The following CCDC125 variants were observed in gnomAD, a reference collection of about 807,000 sequenced individuals.
CCDC125 encodes the protein coiled-coil domain containing 125.
CCDC125 carries 43 observed loss-of-function variants against 57.4 expected under a neutral mutation model. That is an observed-to-expected ratio of 0.75 (90% CI 0.59 to 0.97). The LOEUF is 0.97. Ranked by LOEUF, CCDC125 falls within the 50% of genes least tolerant of loss-of-function variation. The pLI is 0.00. For missense variants in CCDC125, 563 were observed against 595.7 expected (o/e 0.95, Z 0.57); for synonymous variants, 187 against 195.2 (o/e 0.96, Z 0.35).
chr5:69,295,751 C>T (rs546372933), intron 8 of CCDC125, among the ~76,000 whole-genome samples: 1 of 152,304 alleles, frequency 6.6e-6, no homozygotes, highest in African/African-American at 2.4e-5. Flanking sequence ...CAACTAATAT[C>T]TCTGTAACTA....
intron 1 of CCDC125, among the ~76,000 whole-genome samples, chr5:69,322,083 T>G (rs1760115012): frequency 2.0e-5 from 3 of 151,952 alleles, no homozygotes; most frequent in African/African-American, 7.3e-5. Flanking sequence ...TCAGGTGATC[T>G]GCCTGCCTCG....
At chr5:69,305,850 C>T (rs576186926) in intron 6 of CCDC125, among the ~76,000 whole-genome samples, 3 of 152,258 alleles carry the variant, frequency 2.0e-5, no homozygotes, top group South Asian at 2.1e-4. Flanking sequence ...CAAATATACT[C>T]TTTTGTCTTT....
rs1756137479 is a variant in CCDC125 at position 69,300,103 on chromosome 5, G to A, written c.725C>T (p.Ala242Val). The change falls in exon 8 of 12, where the codon GCC becomes GTC. Residue 242 changes from alanine (A) to valine (V), a missense_variant. By Grantham distance (64) the Ala-to-Val change is moderately conservative. Coordinates refer to ENST00000396496, the MANE Select transcript of CCDC125 (RefSeq NM_176816.5). ...NAVLNQRYLE[A>V]LAMLDIKQQK... The stretch of plus-strand genomic sequence containing the variant: ...CTGTTTGATATCAAGCATGGCGAGG[G>A]CCTCCAAATACCGTTGATTCAAAAC... The A allele has an allele frequency of 6.2e-7, 1 of 1,613,864 alleles. No homozygotes were observed. Among genetic ancestry groups the A allele is most frequent in the Non-Finnish European group, 8.5e-7 (1 of 1,179,926 alleles).
chr5:69,301,092 T>G (rs1196846722), intron 7 of CCDC125, among the ~76,000 whole-genome samples: 1 of 36,954 alleles, frequency 2.7e-5, no homozygotes, highest in Admixed American at 3.4e-4. Flanking sequence ...AGACTCCCTC[T>G]CAAAAAAAAA....
intron 7 of CCDC125, among the ~76,000 whole-genome samples, chr5:69,300,407 C>T (rs1756199841): frequency 6.6e-6 from 1 of 151,768 alleles, no homozygotes; most frequent in African/African-American, 2.4e-5. Flanking sequence ...AGGATTTTTC[C>T]AAAAGGGAAT....
In CCDC125 at chr5:69,320,302, T is replaced by G. The variant is rs1257334189; in HGVS notation, c.239A>C (p.Lys80Thr). The G allele has an allele frequency of 6.2e-7, 1 of 1,614,136 alleles. No homozygotes were observed. Among genetic ancestry groups the G allele is most frequent in the Non-Finnish European group, 8.5e-7 (1 of 1,180,004 alleles). Residue 80 changes from lysine (K) to threonine (T), a missense_variant, in exon 2 of 12, where the codon AAG becomes ACG. By Grantham distance (78) the Lys-to-Thr change is moderately conservative. Coordinates refer to ENST00000396496, the MANE Select transcript of CCDC125 (RefSeq NM_176816.5). ...TTGAGGGAATGTATCTTGCTGGCTC[T>G]TATGCTTGGAATACTGAAAACTCGC... Reference protein sequence around the residue: ...NEASFQYSKHKSQQDTFPQVS... With the variant: ...NEASFQYSKHTSQQDTFPQVS...
intron 9 of CCDC125, 34 bp from the exon 10 acceptor site, chr5:69,292,396 G>C: frequency 6.5e-7 from 1 of 1,548,614 alleles, no homozygotes; most frequent in South Asian, 1.1e-5. Flanking sequence ...AGGTGTCAGA[G>C]GCAAAACCAG....
chr5:69,287,521 C>T (rs1753713061), intron 10 of CCDC125, among the ~76,000 whole-genome samples: 1 of 151,930 alleles, frequency 6.6e-6, no homozygotes. Flanking sequence ...CCTCAGCCTC[C>T]CAAAGTCCTG....
intron 8 of CCDC125, among the ~76,000 whole-genome samples, chr5:69,298,285 A>G (rs1755755595): frequency 6.6e-6 from 1 of 152,192 alleles, no homozygotes; most frequent in Non-Finnish European, 1.5e-5. Context: ...AAGTGCTGGG[A>G]TTACAGGCGT....
the CCDC125 span, among the ~76,000 whole-genome samples, chr5:69,274,614 G>GTATT: frequency 2.4e-4 from 36 of 152,196 alleles, no homozygotes; most frequent in African/African-American, 8.7e-4. Flanking sequence ...CCTAAAGGAA[G>GTATT]TATTTATTTA....
chr5:69,276,648 G>C (rs1752170120), downstream of CCDC125: 4 of 1,614,154 alleles, frequency 2.5e-6, no homozygotes, highest in Non-Finnish European at 3.4e-6. Flanking sequence ...ATCAAATCCA[G>C]CTTTGGCAAT....
At chr5:69,302,052 C>T (rs981614242) in intron 7 of CCDC125, among the ~76,000 whole-genome samples, 15 of 150,990 alleles carry the variant, frequency 9.9e-5, no homozygotes, top group African/African-American at 3.6e-4. Context: ...CACTGCACTC[C>T]AAACTGGGCA....
chr5:69,315,437 C>CAA (rs35967140), intron 2 of CCDC125, among the ~76,000 whole-genome samples: 6,434 of 19,816 alleles, frequency 0.32, 475 homozygotes, highest in South Asian at 0.39. Flanking sequence ...GATTCTGTCT[C>CAA]AAAAAAAAAA....
chr5:69,323,358 C>T (rs1184473359), intron 1 of CCDC125, among the ~76,000 whole-genome samples: 1 of 151,988 alleles, frequency 6.6e-6, no homozygotes, highest in Non-Finnish European at 1.5e-5. Flanking sequence ...ATCATATTTG[C>T]ATATTATCTA....
intron 7 of CCDC125, among the ~76,000 whole-genome samples, chr5:69,300,531 T>C (rs1411199096): frequency 6.6e-6 from 1 of 152,222 alleles, no homozygotes; most frequent in Non-Finnish European, 1.5e-5. Context: ...ATCAGGTTTT[T>C]GTATTAGGAG....
At chr5:69,276,696 A>G (rs1291424901), downstream of CCDC125, 2 of 1,607,558 alleles carry the variant, frequency 1.2e-6, no homozygotes, top group Middle Eastern at 1.7e-4. Context: ...ACAAGGTAAG[A>G]TTCCCACTTT....
intron 9 of CCDC125, among the ~76,000 whole-genome samples, chr5:69,293,809 C>A (rs1463939472): frequency 6.6e-6 from 1 of 152,110 alleles, no homozygotes; most frequent in Non-Finnish European, 1.5e-5. Context: ...AAATTCCATA[C>A]CTTCAATAAA....
At chr5:69,276,975 A>C (rs1161046297), downstream of CCDC125, 5 of 761,508 alleles carry the variant, frequency 6.6e-6, no homozygotes, top group East Asian at 2.6e-5. Context: ...AATGTTTAAC[A>C]AGTGCTACTG....
intron 7 of CCDC125, among the ~76,000 whole-genome samples, chr5:69,301,606 G>A (rs1338137917): frequency 3.3e-5 from 5 of 151,960 alleles, no homozygotes; most frequent in South Asian, 4.2e-4. Context: ...AATGATGGCA[G>A]GTGCCTATAA....
Sources: gnomAD v4.1 joint callset for allele counts (sites outside exome capture counted in the v4.1 genomes callset) on GRCh38, gnomAD v4.1.1 for gene constraint, MANE v1.5 for transcripts, NCBI Gene and HGNC (gene_info 2026-07-23, HGNC 2026-07-21) for gene names.